The following TRPC5 variants were observed in gnomAD, a reference collection of about 807,000 sequenced individuals.
The protein encoded by TRPC5 is short transient receptor potential channel 5.
In TRPC5, 9 loss-of-function variants were observed where a neutral mutation model predicts 56.5. That is an observed-to-expected ratio of 0.16 (90% CI 0.10 to 0.28). The LOEUF is 0.28. TRPC5 is among the 10% of genes least tolerant of loss of function. TRPC5 has a pLI of 1.00. For missense variants in TRPC5, 469 were observed against 748.9 expected (o/e 0.63, Z 4.36); for synonymous variants, 282 against 278.5 (o/e 1.01, Z -0.13).
chrX:111,941,165 G>A (rs192851559), intron 2 of TRPC5, among the ~76,000 whole-genome samples: 5 of 111,874 alleles, frequency 4.5e-5, no homozygotes, highest in Admixed American at 9.5e-5. Flanking sequence ...TACTCCAACC[G>A]TTCCTTCAAT....
intron 9 of TRPC5, among the ~76,000 whole-genome samples, chrX:111,780,735 G>A (rs895116197): frequency 2.7e-5 from 3 of 112,055 alleles, no homozygotes; most frequent in African/African-American, 9.7e-5. Context: ...AGAGTCAACT[G>A]TAATTTTAAT....
chrX:111,797,996 T>C (rs902447801), intron 7 of TRPC5, among the ~76,000 whole-genome samples: 3 of 111,553 alleles, frequency 2.7e-5, no homozygotes, highest in Non-Finnish European at 5.7e-5. Context: ...TTTTCAACAA[T>C]TTGAAATAAC....
At chrX:111,913,038 A>G (rs760753664) in intron 2 of TRPC5, among the ~76,000 whole-genome samples, 1 of 111,803 alleles carries the variant, frequency 8.9e-6, no homozygotes, top group Non-Finnish European at 1.9e-5. Flanking sequence ...AATCTCCACA[A>G]CAACCTTGTG....
chrX:112,068,050 A>G (rs1336416221), intron 1 of TRPC5, among the ~76,000 whole-genome samples: 4 of 112,464 alleles, frequency 3.6e-5, no homozygotes, highest in African/African-American at 1.3e-4. Context: ...ATTTGCCATA[A>G]TATTGGAAGT....
At chrX:112,066,351 C>T (rs1930583052) in intron 1 of TRPC5, among the ~76,000 whole-genome samples, 1 of 111,351 alleles carries the variant, frequency 9.0e-6, no homozygotes. Flanking sequence ...ATCATTCAGC[C>T]CCTGTGTTAG....
intron 3 of TRPC5, among the ~76,000 whole-genome samples, chrX:111,888,349 C>T (rs1924604974): frequency 9.1e-6 from 1 of 109,529 alleles, no homozygotes; most frequent in South Asian, 4.0e-4. Context: ...ATCTGACTTC[C>T]ATTTTAAAGG....
chrX:112,019,596 C>T (rs1038304789), intron 1 of TRPC5, among the ~76,000 whole-genome samples: 3 of 111,310 alleles, frequency 2.7e-5, no homozygotes, highest in African/African-American at 9.8e-5. Context: ...CCACCACACC[C>T]GGCTAATTTT....
intron 3 of TRPC5, among the ~76,000 whole-genome samples, chrX:111,861,176 A>G (rs1362946314): frequency 8.9e-6 from 1 of 112,192 alleles, no homozygotes; most frequent in African/African-American, 3.2e-5. Context: ...AATTCTGTTT[A>G]ATTTTAACCA....
At chrX:111,810,744 A>G (rs1921678504) in intron 7 of TRPC5, among the ~76,000 whole-genome samples, 1 of 111,833 alleles carries the variant, frequency 8.9e-6, no homozygotes, top group South Asian at 3.7e-4. Flanking sequence ...ATTTTTAAGA[A>G]GAAAGGCATT....
intron 2 of TRPC5, among the ~76,000 whole-genome samples, chrX:111,940,123 T>A (rs1458115093): frequency 8.9e-6 from 1 of 112,327 alleles, no homozygotes; most frequent in African/African-American, 3.2e-5. Flanking sequence ...AATTTTCTTC[T>A]TAATTTCTAT....
At chrX:111,857,107 C>G (rs970930807) in intron 3 of TRPC5, among the ~76,000 whole-genome samples, 3 of 111,587 alleles carry the variant, frequency 2.7e-5, no homozygotes, top group Admixed American at 9.6e-5. Context: ...CTCATTAAAT[C>G]TTAGCTACAT....
At chrX:111,782,534 A>C (rs1292674115) in intron 7 of TRPC5, among the ~76,000 whole-genome samples, 2 of 111,307 alleles carry the variant, frequency 1.8e-5, no homozygotes, top group Non-Finnish European at 3.8e-5. Context: ...TAAGTGAATA[A>C]AGCAATATAG....
chrX:111,927,248 AGACATTGCCAAAATGTCCCCCTTGGG>A (rs1422538925), intron 2 of TRPC5, among the ~76,000 whole-genome samples: 1 of 112,366 alleles, frequency 8.9e-6, no homozygotes, highest in Admixed American at 9.4e-5. Context: ...GGACATCTCT[AGACATTGCCAAAATGTCCCCCTTGGG>A]GACAATGCCA....
At chrX:112,050,179 A>G (rs1232585958) in intron 1 of TRPC5, among the ~76,000 whole-genome samples, 3 of 106,049 alleles carry the variant, frequency 2.8e-5, no homozygotes, top group Non-Finnish European at 3.9e-5. Context: ...AAAAACAACA[A>G]CAAAAACAAA....
chrX:111,888,521 AAAAG>A lies in TRPC5; in HGVS notation c.900+23766_900+23769del, dbSNP rs1421497514. ...AACCCCGTCTCTACCAAAAAAAAAAAAAAGAAAGAAAAGAAAAAAAAAATTAGCC... is the reference window on the plus strand; with the variant it reads ...AACCCCGTCTCTACCAAAAAAAAAAAAAAGAAAAGAAAAAAAAAATTAGCC... On this transcript the variant is annotated intron_variant, in intron 3 of 10. Coordinates refer to ENST00000262839, the MANE Select transcript of TRPC5 (RefSeq NM_012471.3). Among the ~76,000 whole-genome samples the A allele has an allele frequency of 2.0e-4, 21 of 104,397 alleles. No individual in the cohort carries two copies. In the East Asian group the frequency reaches 6.0e-3, roughly 30 times the overall value. The allele number at this position is 104,397 out of a possible 115,157, so 90.7% of individuals were successfully genotyped here.
intron 2 of TRPC5, 148 bp downstream of exon 2, chrX:111,951,895 G>T: frequency 1.2e-6 from 1 of 866,526 alleles, no homozygotes; most frequent in Non-Finnish European, 1.6e-6. Flanking sequence ...ACGTAGGGTA[G>T]CTCCAGGATG....
At chrX:111,785,320 C>A (rs1049671977) in intron 7 of TRPC5, among the ~76,000 whole-genome samples, 1 of 111,879 alleles carries the variant, frequency 8.9e-6, no homozygotes, top group African/African-American at 3.3e-5. Context: ...AGCTGAGGGA[C>A]CTGACTGTTA....
intron 1 of TRPC5, among the ~76,000 whole-genome samples, chrX:111,960,685 C>A (rs934322432): frequency 8.9e-6 from 1 of 111,908 alleles, no homozygotes; most frequent in Non-Finnish European, 1.9e-5. Context: ...GAGCCTGTCC[C>A]ATTTCCGTTG....
At chrX:111,967,270 A>T (rs1458908625) in intron 1 of TRPC5, among the ~76,000 whole-genome samples, 1 of 111,394 alleles carries the variant, frequency 9.0e-6, no homozygotes, top group East Asian at 2.8e-4. Context: ...TCCAACTTAC[A>T]AGGGATGTGA....
Sources: gnomAD v4.1 joint callset for allele counts (sites outside exome capture counted in the v4.1 genomes callset) on GRCh38, gnomAD v4.1.1 for gene constraint, MANE v1.5 for transcripts, NCBI Gene and HGNC (gene_info 2026-07-23, HGNC 2026-07-21) for gene names.